EPHA6: variants seen among roughly 807,000 people sequenced by gnomAD.
EPHA6 encodes ephrin type-A receptor 6.
EPHA6 carries 50 observed loss-of-function variants against 112.0 expected under a neutral mutation model. The ratio of observed to expected loss-of-function variants is 0.45; its 90% confidence interval spans 0.36 to 0.56. The LOEUF is 0.56. EPHA6 is among the 20% of genes least tolerant of loss of function. EPHA6 has a pLI of 0.00. For synonymous variants in EPHA6, 529 were observed against 490.7 expected, an observed-to-expected ratio of 1.08 and a Z score of -1.03; for missense variants, 1,280 against 1,417.4, an observed-to-expected ratio of 0.90 and a Z score of 1.56.
At chr3:97,144,055 G>T (rs1470809620) in intron 3 of EPHA6, among the ~76,000 whole-genome samples, 1 of 151,688 alleles carries the variant, frequency 6.6e-6, no homozygotes, top group Non-Finnish European at 1.5e-5. Flanking sequence ...CAGTCTCCGT[G>T]ATAGTTATTT....
At chr3:97,297,261 T>A (rs920185761) in intron 5 of EPHA6, among the ~76,000 whole-genome samples, 4 of 152,192 alleles carry the variant, frequency 2.6e-5, no homozygotes, top group Non-Finnish European at 4.4e-5. Flanking sequence ...TTCCTCCCCT[T>A]CCATGCTTCA....
Position 97,592,722 on chromosome 3 carries a change from C to G in EPHA6, c.2497C>G (p.Pro833Ala). Reference sequence around the variant, plus strand: ...AGTGCCAGGGGGAGGATCTTTGCCCCCCAGGATTCCTGCTGGTAGGTATTT... The same window carrying G: ...AGTGCCAGGGGGAGGATCTTTGCCCGCCAGGATTCCTGCTGGTAGGTATTT... ...HPVPGGGSLP[P>A]RIPAGRPVMI... is the part of the protein sequence containing the mutation. The change falls in exon 12 of 18, where the codon CCC (proline) becomes GCC (alanine). Residue 833 changes from proline to alanine, a missense_variant. Physicochemically the swap from Pro to Ala is conservative, Grantham distance 27. This residue lies in a region of EPHA6 where 878 missense variants were observed against 999.7 expected (regional missense o/e 0.88). Coordinates refer to ENST00000389672, the MANE Select transcript of EPHA6 (RefSeq NM_001080448.3). 1 of 1,596,512 alleles carries G rather than the reference C, an allele frequency of 6.3e-7. No individual in the cohort carries two copies.
At chr3:97,188,502 T>C (rs572605648) in intron 3 of EPHA6, among the ~76,000 whole-genome samples, 91 of 151,464 alleles carry the variant, frequency 6.0e-4, no homozygotes, top group Non-Finnish European at 1.2e-3. Context: ...GAAGAGGAAA[T>C]GGAATAAGAA....
At chr3:96,935,435 T>A (rs139306278) in intron 2 of EPHA6, among the ~76,000 whole-genome samples, 2 of 151,144 alleles carry the variant, frequency 1.3e-5, no homozygotes, top group African/African-American at 4.8e-5. Context: ...TATGAATATA[T>A]GTATATGACA....
chr3:97,332,043 A>C lies in EPHA6; in HGVS notation c.1607-73107A>C, dbSNP rs556670963. 2.7e-4 allele frequency among the ~76,000 whole-genome samples: 41 copies of C among 152,314 alleles called. 1 individual carries two copies. The East Asian group carries it at 7.9e-3, about 29-fold the overall frequency. Reference sequence around the variant, plus strand: ...GGCAAACAGAATCCAGCAGCACACCAAAAAGCTTATCCACCATGATCAAGT... The same window carrying C: ...GGCAAACAGAATCCAGCAGCACACCCAAAAGCTTATCCACCATGATCAAGT... On this transcript the variant is annotated intron_variant, in intron 5 of 17. Transcript: ENST00000389672.
rs112349007 is a variant in EPHA6 at position 97,041,880 on chromosome 3, G to A, written c.1114+53887G>A. Among the ~76,000 whole-genome samples, 851 of 152,148 alleles carry A rather than the reference G, an allele frequency of 5.6e-3. 6 individuals carry two copies. The highest frequency in any genetic ancestry group is 0.019 in the African/African-American group (770 of 41,528). ...AACAGCAAGGGGAAAATCCTCCCCA[G>A]TGATCTAATCACCTCCCCTTAGGCC... On this transcript the variant is annotated intron_variant, in intron 3 of 17. Transcript: ENST00000389672.
chr3:96,933,692 TAGA>T (rs966750412), intron 2 of EPHA6, among the ~76,000 whole-genome samples: 6 of 152,154 alleles, frequency 3.9e-5, no homozygotes, highest in African/African-American at 7.2e-5. Flanking sequence ...GAGAGTTTCT[TAGA>T]AGAAGAATTT....
At chr3:97,161,923 A>G (rs1022134199) in intron 3 of EPHA6, among the ~76,000 whole-genome samples, 1 of 152,206 alleles carries the variant, frequency 6.6e-6, no homozygotes, top group African/African-American at 2.4e-5. Flanking sequence ...GTATCTCTGC[A>G]GTAGGACAGT....
chr3:97,483,293 G>C (rs2091608787), intron 9 of EPHA6, among the ~76,000 whole-genome samples: 1 of 152,114 alleles, frequency 6.6e-6, no homozygotes, highest in South Asian at 2.1e-4. Context: ...CACAACCAAT[G>C]ACCAGATTTT....
intron 3 of EPHA6, among the ~76,000 whole-genome samples, chr3:97,048,459 G>A (rs962905877): frequency 6.6e-6 from 1 of 152,028 alleles, no homozygotes; most frequent in Non-Finnish European, 1.5e-5. Flanking sequence ...ACAGATTTGG[G>A]GCTTCATTTA....
chr3:97,538,133 C>G (rs1300587427), intron 11 of EPHA6, among the ~76,000 whole-genome samples: 1 of 151,934 alleles, frequency 6.6e-6, no homozygotes, highest in Non-Finnish European at 1.5e-5. Context: ...GTGTGGATTA[C>G]ATAGTGAAAG....
At chr3:97,132,824 A>G (rs2075667451) in intron 3 of EPHA6, among the ~76,000 whole-genome samples, 1 of 152,068 alleles carries the variant, frequency 6.6e-6, no homozygotes, top group South Asian at 2.1e-4. Context: ...AACCAAAGTA[A>G]ATTTACAAAA....
chr3:97,058,599 G>A (rs1034287738), intron 3 of EPHA6, among the ~76,000 whole-genome samples: 7 of 152,270 alleles, frequency 4.6e-5, no homozygotes, highest in African/African-American at 1.7e-4. Flanking sequence ...ACCATGCCCG[G>A]CCTGGAGTAA....
chr3:97,457,941 G>A (rs893707882), intron 7 of EPHA6, among the ~76,000 whole-genome samples: 1 of 151,682 alleles, frequency 6.6e-6, no homozygotes, highest in African/African-American at 2.4e-5. Flanking sequence ...GGTAGCGGGC[G>A]CCAGTAGTCC....
rs538537368 is a variant in EPHA6 at position 97,687,292 on chromosome 3, T to C, written c.2785-32969T>C. On this transcript the variant is annotated intron_variant, in intron 14 of 17. Transcript: ENST00000389672. The stretch of plus-strand genomic sequence containing the variant: ...AACATTTGTGCTATGTTACAGCAAC[T>C]GTCTAGAGTCTATTTTATCTCAATC... Among the ~76,000 whole-genome samples the C allele has an allele frequency of 3.3e-5, 5 of 152,324 alleles. No individual in the cohort carries two copies. The East Asian group carries it at 9.6e-4, about 29-fold the overall frequency.
intron 11 of EPHA6, among the ~76,000 whole-genome samples, chr3:97,564,260 G>T (rs2093230772): frequency 1.3e-5 from 2 of 152,046 alleles, no homozygotes. Context: ...AATCATAAGT[G>T]TACAAAAAAA....
chr3:97,524,877 C>T (rs1163904700), intron 10 of EPHA6, among the ~76,000 whole-genome samples: 1 of 152,122 alleles, frequency 6.6e-6, no homozygotes, highest in Admixed American at 6.6e-5. Context: ...TAAGTTTCTT[C>T]TCTTTTGCTG....
At chr3:97,688,817 G>T (rs959736064) in intron 14 of EPHA6, among the ~76,000 whole-genome samples, 21 of 151,812 alleles carry the variant, frequency 1.4e-4, no homozygotes, top group Non-Finnish European at 2.6e-4. Flanking sequence ...CTTGTGCTTA[G>T]CCTACTTCCA....
intron 3 of EPHA6, among the ~76,000 whole-genome samples, chr3:96,988,617 A>G (rs1169947160): frequency 6.6e-6 from 1 of 152,180 alleles, no homozygotes; most frequent in African/African-American, 2.4e-5. Flanking sequence ...TGTATAAGCT[A>G]GTTTATATGG....
Sources: allele counts gnomAD v4.1 joint callset (sites outside exome capture counted in the v4.1 genomes callset), GRCh38; gene constraint gnomAD v4.1.1; regional missense constraint gnomAD v4.1.1; transcripts MANE v1.5; gene names NCBI Gene and HGNC (gene_info 2026-07-23, HGNC 2026-07-21).